Variants in LRRC37B observed in about 807,000 individuals in gnomAD.
LRRC37B encodes the protein leucine rich repeat containing 37B, also known as leucine-rich repeat-containing protein 37B.
In LRRC37B, 28 loss-of-function variants were observed where a neutral mutation model predicts 98.3. That is an observed-to-expected ratio of 0.28 (90% CI 0.21 to 0.39). LRRC37B has a LOEUF of 0.39. Among genes scored for constraint, LRRC37B ranks in the 10% least tolerant of loss-of-function variants. The probability of loss-of-function intolerance (pLI) is 1.00; values close to 1 mark genes in which losing one functional copy is unlikely to be tolerated. For synonymous variants in LRRC37B, 364 were observed against 442.7 expected (o/e 0.82, Z 2.23); for missense variants, 938 against 1,182.7 (o/e 0.79, Z 3.03).
At chr17:32,024,713 A>G (rs1344916135) in exon 2 of LRRC37B, 3 of 1,607,014 alleles carry the variant, frequency 1.9e-6, no homozygotes, top group South Asian at 1.1e-5. Context: ...CTTTGCAGAA[A>G]TTTCCAAGGA....
At chr17:32,009,324 C>T (rs945687880) in intron 1 of LRRC37B, among the ~76,000 whole-genome samples, 6 of 151,572 alleles carry the variant, frequency 4.0e-5, no homozygotes, top group African/African-American at 9.7e-5. Flanking sequence ...AGCAGTGGCA[C>T]AGTCACCACT....
rs554742084 is a variant in LRRC37B, at chr17:32,031,408, G to C, written c.2007G>C (p.Leu669=). 4 of 1,610,602 alleles carry C rather than the reference G, an allele frequency of 2.5e-6. No individual in the cohort carries two copies. The Admixed American group carries it at 6.7e-5, about 27-fold the overall frequency. ...TGGGCTGCAATTTAATTACAAAACT[G>C]AGCCTTGGAACATTTCAGGCCTGGC... The change falls in exon 5 of 12, where the codon CTG becomes CTC. Residue 669 remains leucine (L), a synonymous_variant. Transcript: ENST00000327564.
upstream of LRRC37B, chr17:32,020,725 A>C: frequency 2.3e-6 from 1 of 442,624 alleles, no homozygotes; most frequent in Non-Finnish European, 3.5e-6. Context: ...AAGGAAGAGT[A>C]TTCTCGGATT....
At chr17:32,021,019 C>T (rs1364348581) in exon 1 of LRRC37B, 18 of 1,574,786 alleles carry the variant, frequency 1.1e-5, no homozygotes, top group Non-Finnish European at 1.5e-5. Flanking sequence ...GATCTGGACC[C>T]AAGCCTAATA....
At chr17:32,011,961 G>C (rs1390447890) in intron 1 of LRRC37B, among the ~76,000 whole-genome samples, 3 of 152,056 alleles carry the variant, frequency 2.0e-5, no homozygotes, top group Non-Finnish European at 2.9e-5. Context: ...GGATTTCCCA[G>C]ATATCTTTGT....
At chr17:32,015,346 C>T (rs1328393822) in intron 1 of LRRC37B, among the ~76,000 whole-genome samples, 3 of 152,198 alleles carry the variant, frequency 2.0e-5, no homozygotes, top group African/African-American at 4.8e-5. Flanking sequence ...CAATGCATCA[C>T]AGATTATTCC....
At chr17:32,051,096 T>G (rs929626031) in intron 11 of LRRC37B, 3 of 152,364 alleles carry the variant, frequency 2.0e-5, no homozygotes, top group African/African-American at 7.2e-5. Flanking sequence ...TATCTGTGCC[T>G]TTGTCCATCT....
At chr17:32,044,432 C>T (rs924274346) in intron 7 of LRRC37B, among the ~76,000 whole-genome samples, 7 of 152,204 alleles carry the variant, frequency 4.6e-5, no homozygotes, top group Non-Finnish European at 8.8e-5. Flanking sequence ...AGTTGTCCCA[C>T]AATCTGGATT....
At chr17:32,033,887 A>G (rs536187164) in intron 5 of LRRC37B, 1 of 152,340 alleles carries the variant, frequency 6.6e-6, no homozygotes, top group African/African-American at 2.4e-5. Flanking sequence ...TGTTTATTCA[A>G]TAAACATTTA....
intron 1 of LRRC37B, among the ~76,000 whole-genome samples, chr17:32,011,195 CTA>C (rs1351616656): frequency 6.6e-6 from 1 of 152,028 alleles, no homozygotes; most frequent in Non-Finnish European, 1.5e-5. Flanking sequence ...CGGGGTTTCA[CTA>C]TGTTAGCCAG....
At chr17:32,051,368 C>T (rs957384876) in intron 11 of LRRC37B, 3 of 151,466 alleles carry the variant, frequency 2.0e-5, no homozygotes, top group Admixed American at 6.6e-5. Context: ...GTCGTCCCAG[C>T]TACTTGTGAG....
At position 32,047,586 on chromosome 17, in the gene LRRC37B, C is replaced by T. The variant is rs930329551; in HGVS notation, c.2324-175C>T. 9 of 873,886 alleles carry T rather than the reference C, an allele frequency of 1.0e-5. No individual in the cohort carries two copies. The Admixed American group carries it at 2.1e-4, about 20-fold the overall frequency. 54.1% of individuals were successfully genotyped at this position (873,886 alleles called of 1,614,324 possible). Reference sequence around the variant, plus strand: ...AAGTAGGTGGCCATGTCTTTTCCTCCTTTCGTTGTTGCCATTTCATAGGTT... The same window carrying T: ...AAGTAGGTGGCCATGTCTTTTCCTCTTTTCGTTGTTGCCATTTCATAGGTT... On this transcript the variant is annotated intron_variant, in intron 8 of 11. Transcript: ENST00000327564.
exon 5 of LRRC37B, chr17:32,031,381 T>C (rs780572105): frequency 4.4e-5 from 71 of 1,610,488 alleles, no homozygotes; most frequent in Non-Finnish European, 5.9e-6. Context: ...TTTGTAGAAA[T>C]CTGGGCTGCA....
chr17:32,012,197 C>G (rs1344108728), intron 1 of LRRC37B, among the ~76,000 whole-genome samples: 1 of 152,136 alleles, frequency 6.6e-6, no homozygotes, highest in African/African-American at 2.4e-5. Flanking sequence ...TTGCTGATTT[C>G]CTGTCTGCTT....
chr17:32,034,269 AG>A (rs1221686104), intron 5 of LRRC37B, among the ~76,000 whole-genome samples: 1 of 152,196 alleles, frequency 6.6e-6, no homozygotes, highest in East Asian at 1.9e-4. Context: ...TGGTAGGCCG[AG>A]GGGGGTGGAT....
At chr17:32,053,094 A>G (rs1461439630) in intron 11 of LRRC37B, 172 bp from the exon 15 acceptor site, 1 of 621,398 alleles carries the variant, frequency 1.6e-6, no homozygotes, top group Non-Finnish European at 2.9e-6. Flanking sequence ...GGTAGCAAGG[A>G]TGACTGAACT....
At chr17:32,011,654 C>T (rs1453100705) in intron 1 of LRRC37B, among the ~76,000 whole-genome samples, 4 of 151,954 alleles carry the variant, frequency 2.6e-5, no homozygotes, top group Admixed American at 2.0e-4. Flanking sequence ...CCCACCACCA[C>T]GCCCAGCTAA....
chr17:32,008,425 C>T (rs978476243), intron 1 of LRRC37B, among the ~76,000 whole-genome samples: 1 of 152,016 alleles, frequency 6.6e-6, no homozygotes, highest in African/African-American at 2.4e-5. Context: ...GTGTCTCCAC[C>T]GGGCAGGATT....
intron 1 of LRRC37B, among the ~76,000 whole-genome samples, chr17:32,011,337 A>G (rs72825740): frequency 0.099 from 15,076 of 151,894 alleles, 1,020 homozygotes; most frequent in Middle Eastern, 0.15. Context: ...CCTATCGTGC[A>G]TATATACCTC....
Sources: allele counts gnomAD v4.1 joint callset (sites outside exome capture counted in the v4.1 genomes callset), GRCh38; gene constraint gnomAD v4.1.1; transcripts MANE v1.5; gene names NCBI Gene and HGNC (gene_info 2026-07-23, HGNC 2026-07-21).